LRRC71: variants seen among roughly 807,000 people sequenced by gnomAD.
LRRC71 encodes the protein leucine rich repeat containing 71, also known as leucine-rich repeat-containing protein 71.
Under a neutral mutation model 66.6 loss-of-function variants are expected in LRRC71, and 54 were observed. The observed-to-expected ratio is 0.81, with a 90% CI of 0.65 to 1.02. The LOEUF is 1.02. Ranked by LOEUF, LRRC71 falls within the 50% of genes least tolerant of loss-of-function variation. The pLI is 0.00. For missense variants in LRRC71, 724 were observed against 718.0 expected (o/e 1.01, Z -0.10); for synonymous variants, 323 against 303.9 (o/e 1.06, Z -0.65).
In LRRC71 at chr1:156,927,940, A is replaced by C; in HGVS notation, c.932A>C (p.His311Pro). ...GTCCTGCGCGCCTTCGAGCTGACAC[A>C]CACCGAAGTGGTGGAGCGCCGACGC... ...AEVLRAFELT[H>P]TEVVERRRLL... The change falls in exon 9 of 15, where the codon CAC (histidine) becomes CCC (proline). Residue 311 changes from histidine (H) to proline (P), a missense_variant. Coordinates refer to ENST00000337428, the MANE Select transcript of LRRC71 (RefSeq NM_144702.3). 1.9e-6 allele frequency: 3 copies of C among 1,612,042 alleles called. No homozygotes were observed. The highest frequency in any genetic ancestry group is 2.5e-6 in the Non-Finnish European group (3 of 1,179,332).
intron 5 of LRRC71, 59 bp downstream of exon 5, chr1:156,925,074 G>C: frequency 6.6e-7 from 1 of 1,505,966 alleles, no homozygotes; most frequent in Non-Finnish European, 9.0e-7. Flanking sequence ...GTGGTCAGAG[G>C]GGAGCAGTGT....
rs1400381302 is a variant in LRRC71 at position 156,927,627 on chromosome 1, G to A, written c.794G>A (p.Gly265Asp). Residue 265 changes from glycine to aspartate, a missense_variant, in exon 7 of 15, where the codon GGT (glycine) becomes GAT (aspartate). Physicochemically the swap from Gly to Asp is moderately conservative, Grantham distance 94. Coordinates refer to ENST00000337428, the MANE Select transcript of LRRC71 (RefSeq NM_144702.3). ...VSLNLGFNHIGDEGAGYIADG... is the reference protein window; with the variant it reads ...VSLNLGFNHIDDEGAGYIADG... ...CTCAACCTGGGTTTCAACCACATCG[G>A]TGACGAGGGCGCAGGCTACATCGCG... The A allele has an allele frequency of 6.2e-7, 1 of 1,603,994 alleles. No homozygotes were observed. The highest frequency in any genetic ancestry group is 8.5e-7 in the Non-Finnish European group (1 of 1,175,196).
downstream of LRRC71, among the ~76,000 whole-genome samples, chr1:156,934,292 G>A (rs1654712070): frequency 6.6e-6 from 1 of 152,194 alleles, no homozygotes; most frequent in Non-Finnish European, 1.5e-5. Flanking sequence ...GGAAGAGACA[G>A]AATTTGTCAC....
chr1:156,932,318 T>C, intron 13 of LRRC71, 106 bp from the exon 14 acceptor site: 1 of 900,012 alleles, frequency 1.1e-6, no homozygotes, highest in Non-Finnish European at 1.8e-6. Context: ...GGCCAGTGAG[T>C]CTGGAGTGGG....
At chr1:156,929,787 G>A (rs1653998281) in intron 11 of LRRC71, 58 bp downstream of exon 11, 13 of 1,441,500 alleles carry the variant, frequency 9.0e-6, no homozygotes, top group Non-Finnish European at 1.1e-5. Context: ...AGAGTGCCGG[G>A]CCGGGTGCAG....
At chr1:156,940,439 G>C in the LRRC71 span, 3 of 1,590,230 alleles carry the variant, frequency 1.9e-6, no homozygotes, top group South Asian at 3.4e-5. Context: ...TTTCGGATGA[G>C]AGAAGATTGT....
Position 156,931,978 on chromosome 1 carries a change from GAA to G in LRRC71, c.1394_1395del (p.Lys465SerfsTer57), listed in dbSNP as rs752746862. ...LLEPVEHRDG[K>X]VFMPGNKVLL... ...TGGAGCCTGTGGAGCACCGAGATGG[GAA>G]AGTTTTCATGCCTGGGAACAAGGTC... On this transcript the variant is annotated frameshift_variant, in exon 13 of 15. Transcript: ENST00000337428. LOFTEE classifies it high-confidence loss of function. 5 of 1,601,832 alleles carry G rather than the reference GAA, an allele frequency of 3.1e-6. No individual in the cohort carries two copies. Among genetic ancestry groups the G allele is most frequent in the East Asian group, 2.2e-5 (1 of 44,570 alleles).
chr1:156,927,477 C>G lies in LRRC71; in HGVS notation c.663-19C>G, dbSNP rs1653384253. 2 of 1,520,478 alleles carry G rather than the reference C, an allele frequency of 1.3e-6. No homozygotes were observed. Among genetic ancestry groups the G allele is most frequent in the Non-Finnish European group, 8.8e-7 (1 of 1,135,392 alleles). 94.2% of individuals were successfully genotyped at this position (1,520,478 alleles called of 1,614,324 possible). The stretch of plus-strand genomic sequence containing the variant: ...TGTACCTTTTCCAGCGACCCACATT[C>G]TCCCTCCGGCTGCCCCAGGATTGCG... On this transcript the variant is annotated intron_variant, in intron 6 of 14. Transcript: ENST00000337428.
rs1347171523 is a variant in LRRC71, at chr1:156,927,485, G to A, written c.663-11G>A. On this transcript the variant is annotated splice_polypyrimidine_tract_variant and intron_variant, in intron 6 of 14. Transcript: ENST00000337428. ...TTCCAGCGACCCACATTCTCCCTCC[G>A]GCTGCCCCAGGATTGCGCACTTGTC... 2 of 1,521,220 alleles carry A rather than the reference G, an allele frequency of 1.3e-6. No individual in the cohort carries two copies. Among genetic ancestry groups the A allele is most frequent in the Admixed American group, 2.1e-5 (1 of 46,690 alleles). The allele number at this position is 1,521,220 out of a possible 1,614,324, so 94.2% of individuals were successfully genotyped here.
the LRRC71 span, chr1:156,938,877 C>T: frequency 4.1e-6 from 1 of 245,066 alleles, no homozygotes; most frequent in Non-Finnish European, 7.8e-6. Flanking sequence ...ACTTTTCTTG[C>T]CACCCTCTCA....
Position 156,925,019 on chromosome 1 carries a change from A to C in LRRC71, c.593+4A>C. The C allele has an allele frequency of 6.4e-7, 1 of 1,551,668 alleles. No homozygotes were observed. The highest frequency in any genetic ancestry group is 8.7e-7 in the Non-Finnish European group (1 of 1,146,976). ...CTCTCTGTTCATCCACGCTCAGGTC[A>C]GCAGACTGGGAGGCCCCCTGTGCCT... On this transcript the variant is annotated splice_donor_region_variant and intron_variant, in intron 5 of 14. Coordinates refer to ENST00000337428, the MANE Select transcript of LRRC71 (RefSeq NM_144702.3).
At chr1:156,936,721 G>A, downstream of LRRC71, 1 of 1,394,658 alleles carries the variant, frequency 7.2e-7, no homozygotes, top group East Asian at 2.3e-5. Flanking sequence ...ACCACTCTCA[G>A]AACCACCATC....
At chr1:156,936,797 G>C (rs1408276295), downstream of LRRC71, 1 of 1,606,964 alleles carries the variant, frequency 6.2e-7, no homozygotes, top group East Asian at 2.2e-5. Flanking sequence ...GGAACCGAGA[G>C]GGACCTGGCT....
chr1:156,928,034 C>T (rs1279168466), intron 9 of LRRC71, 30 bp downstream of exon 9: 3 of 1,561,688 alleles, frequency 1.9e-6, no homozygotes, highest in African/African-American at 2.7e-5. Context: ...CAGGACCAGC[C>T]GAGAGCCCCT....
rs1329267123 is a variant in LRRC71, at chr1:156,929,673, AG to A, written c.1185del (p.Gln395HisfsTer21). On this transcript the variant is annotated frameshift_variant, in exon 11 of 15. Transcript: ENST00000337428. LOFTEE classifies it high-confidence loss of function. The part of the protein sequence containing the change: ...AKKEEKLGSG[Q>X]SPTQGTPKKE... ...AAAGAGGAGAAGTTGGGGTCTGGGC[AG>A]TCACCCACACAAGGAACCCCTAAGA... The A allele has an allele frequency of 1.3e-6, 2 of 1,586,680 alleles. No homozygotes were observed. Among genetic ancestry groups the A allele is most frequent in the African/African-American group, 1.3e-5 (1 of 74,220 alleles).
chr1:156,937,164 G>A (rs140462765), downstream of LRRC71: 32 of 1,591,308 alleles, frequency 2.0e-5, no homozygotes, highest in East Asian at 2.5e-4. Flanking sequence ...TAGGGCTCCC[G>A]CGAAGACACA....
intron 9 of LRRC71, among the ~76,000 whole-genome samples, chr1:156,928,363 C>CTCCTCTTCTTCTTCT (rs1440279180): frequency 3.5e-4 from 35 of 98,820 alleles, no homozygotes; most frequent in Middle Eastern, 8.9e-3. Context: ...CTTCTTCTTC[C>CTCCTCTTCTTCTTCT]TCTTCTTCTT....
At chr1:156,932,123 G>A in intron 13 of LRRC71, 96 bp downstream of exon 13, 2 of 1,002,180 alleles carry the variant, frequency 2.0e-6, no homozygotes, top group Admixed American at 2.1e-5. Flanking sequence ...AGCAGAGCTG[G>A]TCCTCCCATC....
At chr1:156,927,312 C>T in intron 6 of LRRC71, 42 bp downstream of exon 6, 1 of 1,601,324 alleles carries the variant, frequency 6.2e-7, no homozygotes, top group Non-Finnish European at 8.5e-7. Context: ...GGGCCTGTCT[C>T]GAAATTCCAA....
Sources: gnomAD v4.1 joint callset for allele counts (sites outside exome capture counted in the v4.1 genomes callset) on GRCh38, gnomAD v4.1.1 for gene constraint, MANE v1.5 for transcripts, NCBI Gene and HGNC (gene_info 2026-07-23, HGNC 2026-07-21) for gene names.